The following EPHB1 variants were observed in gnomAD, a reference collection of about 807,000 sequenced individuals.
EPHB1 encodes the protein EPH receptor B1, also known as ephrin type-B receptor 1.
In EPHB1, 30 loss-of-function variants were observed where a neutral mutation model predicts 94.4. The observed-to-expected ratio is 0.32, with a 90% confidence interval of 0.24 to 0.43. The LOEUF is 0.43. EPHB1 is among the 20% of genes least tolerant of loss of function. EPHB1 has a pLI of 1.00. For synonymous variants in EPHB1, 522 were observed against 489.1 expected (o/e 1.07, Z -0.89); for missense variants, 1,055 against 1,308.3 (o/e 0.81, Z 2.99).
chr3:134,937,135 A>G (rs2039019641), intron 2 of EPHB1, among the ~76,000 whole-genome samples: 1 of 152,232 alleles, frequency 6.6e-6, no homozygotes, highest in Non-Finnish European at 1.5e-5. Flanking sequence ...GGACCTTGTC[A>G]TTCAAAGAAT....
chr3:134,998,787 A>G (rs893476779), intron 3 of EPHB1, among the ~76,000 whole-genome samples: 4 of 152,230 alleles, frequency 2.6e-5, no homozygotes, highest in Admixed American at 2.6e-4. Context: ...AACAGTGCCT[A>G]ACACAGTGTC....
In EPHB1 at chr3:135,139,742, A is replaced by G. The variant is rs186535884; in HGVS notation, c.1297+6693A>G. Reference sequence around the variant, plus strand: ...CCTCTTCTGTGGTGCCCATTCTTACATTTCAAAAGTTAGGATGGAACCACG... The same window carrying G: ...CCTCTTCTGTGGTGCCCATTCTTACGTTTCAAAAGTTAGGATGGAACCACG... On this transcript the variant is annotated intron_variant, in intron 5 of 15. Transcript: ENST00000398015. 9.8e-4 allele frequency among the ~76,000 whole-genome samples: 149 copies of G among 152,266 alleles called. 2 individuals are homozygous for G. The highest frequency in any genetic ancestry group is 8.5e-3 in the Admixed American group (130 of 15,300).
intron 1 of EPHB1, among the ~76,000 whole-genome samples, chr3:134,900,083 T>C (rs1300174359): frequency 1.3e-5 from 2 of 152,164 alleles, no homozygotes; most frequent in Admixed American, 1.3e-4. Flanking sequence ...TTGCAGTATA[T>C]ACTGAGGCTT....
chr3:135,182,221 G>A (rs1942174620), intron 10 of EPHB1, among the ~76,000 whole-genome samples: 1 of 152,176 alleles, frequency 6.6e-6, no homozygotes, highest in Non-Finnish European at 1.5e-5. Context: ...AGGTCAAATT[G>A]TTTTAAAAGT....
At chr3:134,795,973 G>C (rs112166340) in intron 1 of EPHB1, among the ~76,000 whole-genome samples, 5 of 152,364 alleles carry the variant, frequency 3.3e-5, no homozygotes, top group African/African-American at 1.2e-4. Flanking sequence ...GCCCCCGCTC[G>C]GAGAGCTCGG....
At chr3:135,129,692 AG>A (rs1305890586) in intron 4 of EPHB1, among the ~76,000 whole-genome samples, 1 of 152,206 alleles carries the variant, frequency 6.6e-6, no homozygotes, top group Non-Finnish European at 1.5e-5. Context: ...AATCTGACTT[AG>A]GCACCTGGAA....
intron 10 of EPHB1, among the ~76,000 whole-genome samples, chr3:135,187,619 C>T (rs181232209): frequency 6.6e-6 from 1 of 152,230 alleles, no homozygotes; most frequent in Admixed American, 6.5e-5. Context: ...TTAATAATAG[C>T]AATACGCCCA....
At chr3:134,953,652 G>A (rs562881675) in intron 3 of EPHB1, among the ~76,000 whole-genome samples, 37 of 152,280 alleles carry the variant, frequency 2.4e-4, no homozygotes, top group African/African-American at 8.7e-4. Context: ...GTTTTCAGAG[G>A]GCTGCCACAC....
intron 1 of EPHB1, among the ~76,000 whole-genome samples, chr3:134,885,506 T>C (rs2037845131): frequency 6.6e-6 from 1 of 152,190 alleles, no homozygotes; most frequent in Non-Finnish European, 1.5e-5. Context: ...AACGTCCATG[T>C]ATTTGAGAGG....
chr3:135,195,263 T>G (rs1289351742), intron 11 of EPHB1, among the ~76,000 whole-genome samples: 1 of 151,996 alleles, frequency 6.6e-6, no homozygotes, highest in Non-Finnish European at 1.5e-5. Flanking sequence ...AACAGGGAGA[T>G]TCATTCTCAT....
chr3:134,798,377 AGGAGGGGAGG>A (rs1356104955), intron 1 of EPHB1, among the ~76,000 whole-genome samples: 2 of 151,920 alleles, frequency 1.3e-5, no homozygotes, highest in African/African-American at 4.8e-5. Context: ...AGAGGGGCAG[AGGAGGGGAGG>A]GGAGGGGGCT....
chr3:135,168,533 G>A (rs1444349107), intron 9 of EPHB1, among the ~76,000 whole-genome samples: 1 of 152,162 alleles, frequency 6.6e-6, no homozygotes, highest in Non-Finnish European at 1.5e-5. Flanking sequence ...CTGTGCATTA[G>A]CCCTTCCAGG....
chr3:134,838,887 CTA>C (rs2036727156), intron 1 of EPHB1, among the ~76,000 whole-genome samples: 1 of 152,204 alleles, frequency 6.6e-6, no homozygotes, highest in Non-Finnish European at 1.5e-5. Context: ...GGCAAACCTT[CTA>C]CCCCTAGGCA....
At chr3:135,245,080 A>ACTAT (rs1182733093) in intron 13 of EPHB1, among the ~76,000 whole-genome samples, 2 of 152,204 alleles carry the variant, frequency 1.3e-5, no homozygotes, top group South Asian at 2.1e-4. Flanking sequence ...CTTTTCAAAT[A>ACTAT]CTATCTTCCT....
intron 2 of EPHB1, among the ~76,000 whole-genome samples, chr3:134,937,578 C>T (rs2039028554): frequency 6.6e-6 from 1 of 152,252 alleles, no homozygotes; most frequent in Non-Finnish European, 1.5e-5. Flanking sequence ...TAGCCTGTAA[C>T]CCAGCATGAT....
intron 12 of EPHB1, among the ~76,000 whole-genome samples, chr3:135,238,988 C>T (rs541129190): frequency 1.9e-4 from 29 of 152,316 alleles, no homozygotes; most frequent in Non-Finnish European, 2.8e-4. Context: ...TCTTCCCAGC[C>T]GTGGGGAACA....
chr3:135,197,354 A>G (rs1337824503), intron 11 of EPHB1, among the ~76,000 whole-genome samples: 1 of 152,340 alleles, frequency 6.6e-6, no homozygotes, highest in East Asian at 1.9e-4. Flanking sequence ...CAGCTAGAAG[A>G]TAGCAACCCA....
At chr3:135,100,569 C>T (rs1049700035) in intron 3 of EPHB1, among the ~76,000 whole-genome samples, 6 of 152,146 alleles carry the variant, frequency 3.9e-5, no homozygotes, top group Non-Finnish European at 7.4e-5. Flanking sequence ...GGATGAGAAG[C>T]GCTTTCCATT....
intron 3 of EPHB1, among the ~76,000 whole-genome samples, chr3:135,074,201 C>A (rs934657920): frequency 6.6e-6 from 1 of 152,198 alleles, no homozygotes; most frequent in East Asian, 1.9e-4. Context: ...GATTCTCTGT[C>A]TTGATCAGTT....
Sources: gnomAD v4.1 joint callset for allele counts (sites outside exome capture counted in the v4.1 genomes callset) on GRCh38, gnomAD v4.1.1 for gene constraint, MANE v1.5 for transcripts, NCBI Gene and HGNC (gene_info 2026-07-23, HGNC 2026-07-21) for gene names.